SLC8A1: variants seen among roughly 807,000 people sequenced by gnomAD.
SLC8A1 encodes the protein sodium/calcium exchanger 1.
Under a neutral mutation model 68.3 loss-of-function variants are expected in SLC8A1, and 18 were observed. The ratio of observed to expected loss-of-function variants is 0.26; its 90% CI spans 0.18 to 0.39. SLC8A1 has a LOEUF of 0.39. Among genes scored for constraint, SLC8A1 ranks in the 10% least tolerant of loss-of-function variants. The pLI is 1.00. For synonymous variants in SLC8A1, 475 were observed against 415.5 expected (o/e 1.14, Z -1.74); for missense variants, 985 against 1,156.7 (o/e 0.85, Z 2.15).
At chr2:40,165,501 C>T (rs1318098055) in intron 4 of SLC8A1, among the ~76,000 whole-genome samples, 1 of 152,194 alleles carries the variant, frequency 6.6e-6, no homozygotes, top group Non-Finnish European at 1.5e-5. Flanking sequence ...TTTAGCCTCT[C>T]TCTTGCCAAG....
chr2:40,305,341 G>A (rs1033631636), intron 2 of SLC8A1, among the ~76,000 whole-genome samples: 2 of 152,156 alleles, frequency 1.3e-5, no homozygotes, highest in African/African-American at 4.8e-5. Context: ...GGGAAGTCAG[G>A]TGAAATGTAG....
rs141185825 is a variant in SLC8A1 at position 40,345,084 on chromosome 2, C to G, written c.1808+83389G>C. Among the ~76,000 whole-genome samples, 499 of 152,222 alleles carry G rather than the reference C, an allele frequency of 3.3e-3. 2 individuals are homozygous for G. Among genetic ancestry groups the G allele is most frequent in the Middle Eastern group, 0.027 (8 of 294 alleles). On this transcript the variant is annotated intron_variant, in intron 2 of 7. Coordinates refer to ENST00000406785, the Ensembl canonical transcript of SLC8A1. ...CTGGTTAAGTCCAAGCTTGGAATGC[C>G]AAGAGTCTTCATTCTCATTTTTCCA...
At chr2:40,437,248 G>C (rs1204357066) in intron 1 of SLC8A1, among the ~76,000 whole-genome samples, 1 of 152,084 alleles carries the variant, frequency 6.6e-6, no homozygotes, top group African/African-American at 2.4e-5. Context: ...TGGGGACAGA[G>C]AGCTCAAGAT....
At position 40,120,358 on chromosome 2, in the gene SLC8A1, G is replaced by A. The variant is rs532762648; in HGVS notation, c.2438-4729C>T. 5.9e-5 allele frequency among the ~76,000 whole-genome samples: 9 copies of A among 152,318 alleles called. No individual in the cohort carries two copies. In the South Asian group the frequency reaches 1.2e-3, roughly 21 times the overall value. On this transcript the variant is annotated intron_variant, in intron 7 of 7. Transcript: ENST00000406785. ...CTTGACGTATTCGTTCACTGACAAT[G>A]AAAGAGGCAGCCAAGGTGTACAGAT...
intron 1 of SLC8A1, among the ~76,000 whole-genome samples, chr2:40,448,581 G>A (rs1668800056): frequency 6.6e-6 from 1 of 152,162 alleles, no homozygotes; most frequent in Admixed American, 6.5e-5. Context: ...TTACTACCAA[G>A]AATTAGAGCC....
At position 40,274,560 on chromosome 2, in the gene SLC8A1, T is replaced by C. The variant is rs185708353; in HGVS notation, c.1809-96705A>G. Reference sequence around the variant, plus strand: ...TTGATCATTTGCTCTAAATGCTCATTAACAGACATTTTGCAAAAGATCAGA... The same window carrying C: ...TTGATCATTTGCTCTAAATGCTCATCAACAGACATTTTGCAAAAGATCAGA... On this transcript the variant is annotated intron_variant, in intron 2 of 7. Coordinates refer to ENST00000406785, the Ensembl canonical transcript of SLC8A1. Among the ~76,000 whole-genome samples, 333 of 152,278 alleles carry C rather than the reference T, an allele frequency of 2.2e-3. 4 individuals are homozygous for C. The highest frequency in any genetic ancestry group is 7.3e-3 in the African/African-American group (305 of 41,552).
At chr2:40,294,529 G>A (rs1290706464) in intron 2 of SLC8A1, among the ~76,000 whole-genome samples, 2 of 152,030 alleles carry the variant, frequency 1.3e-5, no homozygotes, top group Non-Finnish European at 2.9e-5. Context: ...GAATAAAAAA[G>A]CAAGTTGCAT....
At chr2:40,106,296 T>C (rs962696940) in exon 8 of SLC8A1, 9 of 152,228 alleles carry the variant, frequency 5.9e-5, no homozygotes, top group African/African-American at 2.2e-4. Context: ...ACCAGCACTT[T>C]GGGAAGCCAG....
At chr2:40,431,087 A>C (rs577661218) in intron 1 of SLC8A1, among the ~76,000 whole-genome samples, 7 of 152,180 alleles carry the variant, frequency 4.6e-5, no homozygotes, top group Non-Finnish European at 1.0e-4. Context: ...CTGCTGATAC[A>C]TTAGCAGCTG....
chr2:40,447,279 G>T (rs549826813), intron 1 of SLC8A1, among the ~76,000 whole-genome samples: 2 of 151,996 alleles, frequency 1.3e-5, no homozygotes, highest in Non-Finnish European at 2.9e-5. Context: ...AAAATATTTT[G>T]CCCACTCCTC....
chr2:40,302,568 T>C (rs61247182), intron 2 of SLC8A1, among the ~76,000 whole-genome samples: 1,790 of 148,652 alleles, frequency 0.012, 31 homozygotes, highest in African/African-American at 0.041. Context: ...TATATCTGTA[T>C]AACATATATA....
At chr2:40,449,110 A>G (rs898182743) in intron 1 of SLC8A1, among the ~76,000 whole-genome samples, 2 of 151,692 alleles carry the variant, frequency 1.3e-5, no homozygotes, top group African/African-American at 4.8e-5. Context: ...CCTAAAAGGC[A>G]TCACAAAGAA....
At chr2:40,261,381 G>T (rs902840128) in intron 2 of SLC8A1, among the ~76,000 whole-genome samples, 1 of 152,132 alleles carries the variant, frequency 6.6e-6, no homozygotes, top group African/African-American at 2.4e-5. Context: ...TTTCTCTTTT[G>T]TACCAAGCAG....
intron 7 of SLC8A1, among the ~76,000 whole-genome samples, chr2:40,129,233 C>T (rs1558460239): frequency 7.5e-6 from 1 of 132,628 alleles, no homozygotes; most frequent in African/African-American, 3.2e-5. Context: ...TGAGATGTTT[C>T]ATTTTTTTTT....
chr2:40,322,585 AG>A, intron 2 of SLC8A1, among the ~76,000 whole-genome samples: 1 of 150,926 alleles, frequency 6.6e-6, no homozygotes, highest in East Asian at 1.9e-4. Context: ...CCGAGGCAGG[AG>A]GGTCACTTGA....
intron 2 of SLC8A1, among the ~76,000 whole-genome samples, chr2:40,338,737 T>G (rs1336232564): frequency 7.9e-5 from 12 of 152,182 alleles, no homozygotes; most frequent in Admixed American, 7.9e-4. Context: ...GCAATTATCT[T>G]CCATAATTGG....
chr2:40,396,134 C>A (rs1686820961), intron 2 of SLC8A1, among the ~76,000 whole-genome samples: 1 of 152,026 alleles, frequency 6.6e-6, no homozygotes, highest in Non-Finnish European at 1.5e-5. Flanking sequence ...GTCAGGGTAA[C>A]AAAAACATTT....
At position 40,180,390 on chromosome 2, in the gene SLC8A1, T is replaced by C. The variant is rs2049277512; in HGVS notation, c.1809-2535A>G. Among the ~76,000 whole-genome samples the C allele has an allele frequency of 2.0e-5, 3 of 152,276 alleles. No individual in the cohort carries two copies. In the South Asian group the frequency reaches 6.2e-4, roughly 32 times the overall value. Reference sequence around the variant, plus strand: ...ACTGAATTTGATGTTGTAAAATAGATCAAATTTGCTCTACACAAAACTGCC... The same window carrying C: ...ACTGAATTTGATGTTGTAAAATAGACCAAATTTGCTCTACACAAAACTGCC... On this transcript the variant is annotated intron_variant, in intron 2 of 7. Transcript: ENST00000406785.
rs2056065053 is a variant in SLC8A1 at position 40,209,069 on chromosome 2, G to A, written c.1809-31214C>T. 2.6e-5 allele frequency: 4 copies of A among 152,028 alleles called. No homozygotes were observed. The South Asian group carries it at 6.2e-4, about 24-fold the overall frequency. 9.4% of individuals were successfully genotyped at this position (152,028 alleles called of 1,614,324 possible). A position where few individuals can be genotyped will look rare whatever the true frequency, so the allele number is the denominator to read the frequency against. On this transcript the variant is annotated intron_variant, in intron 2 of 7. Coordinates refer to ENST00000406785, the Ensembl canonical transcript of SLC8A1. ...AGAAGAAAAAAAAAATCCTTGTCCTGTCCTTGAGATGAGACAGGTGCATGT... is the reference window on the plus strand; with the variant it reads ...AGAAGAAAAAAAAAATCCTTGTCCTATCCTTGAGATGAGACAGGTGCATGT...
Sources: gnomAD v4.1 joint callset for allele counts (sites outside exome capture counted in the v4.1 genomes callset) on GRCh38, gnomAD v4.1.1 for gene constraint, MANE v1.5 for transcripts, NCBI Gene and HGNC (gene_info 2026-07-23, HGNC 2026-07-21) for gene names.